Variants in FANK1 observed in about 807,000 individuals in gnomAD.
FANK1 encodes the protein fibronectin type 3 and ankyrin repeat domains protein 1.
A neutral mutation model predicts 45.3 loss-of-function variants in FANK1; 44 were observed. That is an observed-to-expected ratio of 0.97 (90% CI 0.76 to 1.25). The LOEUF (loss-of-function observed/expected upper bound fraction) is 1.25, where lower values mean the gene tolerates loss of function less well. Ranked by LOEUF, FANK1 falls within the 50% of genes most tolerant of loss-of-function variation. FANK1 has a pLI of 0.00. For missense variants in FANK1, 391 were observed against 424.4 expected (o/e 0.92, Z 0.69); for synonymous variants, 149 against 152.5 (o/e 0.98, Z 0.17).
At chr10:125,916,433 C>T (rs1272099437) in intron 1 of FANK1, among the ~76,000 whole-genome samples, 4 of 151,560 alleles carry the variant, frequency 2.6e-5, no homozygotes, top group East Asian at 1.9e-4. Context: ...CCCCTGTAAT[C>T]GATCAGGGAC....
chr10:125,988,420 C>A, intron 2 of FANK1, 131 bp from the exon 3 acceptor site: 2 of 1,275,648 alleles, frequency 1.6e-6, no homozygotes, highest in Non-Finnish European at 2.2e-6. Context: ...CGGAGTTCAG[C>A]AAAGCAGGAT....
At chr10:125,984,816 C>T (rs1235953788) in intron 2 of FANK1, among the ~76,000 whole-genome samples, 5 of 150,948 alleles carry the variant, frequency 3.3e-5, no homozygotes, top group Admixed American at 6.6e-5. Context: ...CAAGGCTATG[C>T]TTTAAATTTT....
At chr10:125,927,010 G>T (rs1426488793) in intron 1 of FANK1, among the ~76,000 whole-genome samples, 1 of 152,130 alleles carries the variant, frequency 6.6e-6, no homozygotes, top group Admixed American at 6.5e-5. Context: ...TTTCCTTCTA[G>T]TTGCTGCTCT....
Position 125,966,862 on chromosome 10 carries a change from A to T in FANK1, c.14-13299A>T, listed in dbSNP as rs145222905. ...TTTGTTTTTTCCCCCTTTATTCAGT[A>T]CTATACCAGCTTAAAATAATACCAA... On this transcript the variant is annotated intron_variant, in intron 1 of 10. Coordinates refer to ENST00000368693, the MANE Select transcript of FANK1 (RefSeq NM_145235.5). Among the ~76,000 whole-genome samples the T allele has an allele frequency of 2.0e-4, 30 of 152,256 alleles. 1 individual carries two copies. The highest frequency in any genetic ancestry group is 7.0e-4 in the African/African-American group (29 of 41,550).
rs1399520689 is a variant in FANK1 at position 125,900,573 on chromosome 10, ATATG to A, written c.13+3922_13+3925del. ...CCTGTTCTGTAAGCTCTTGCTATAT[ATATG>A]TATTTTAAAAATCCAGCAGGCAGCA... On this transcript the variant is annotated intron_variant, in intron 1 of 10. Coordinates refer to ENST00000368693, the MANE Select transcript of FANK1 (RefSeq NM_145235.5). Among the ~76,000 whole-genome samples, 49 of 152,028 alleles carry A rather than the reference ATATG, an allele frequency of 3.2e-4. 1 individual carries two copies. The highest frequency in any genetic ancestry group is 1.2e-3 in the African/African-American group (49 of 41,386).
chr10:125,928,178 CAG>C (rs1947500227), intron 1 of FANK1, among the ~76,000 whole-genome samples: 1 of 151,014 alleles, frequency 6.6e-6, no homozygotes. Context: ...ACTCTATAGA[CAG>C]AGCAGCCCGA....
intron 1 of FANK1, among the ~76,000 whole-genome samples, chr10:125,908,954 G>A (rs61873391): frequency 1.1e-3 from 129 of 122,354 alleles, no homozygotes; most frequent in South Asian, 1.5e-3. Flanking sequence ...TGCTTTAGCT[G>A]GGTGGTTCTG....
intron 1 of FANK1, among the ~76,000 whole-genome samples, chr10:125,905,687 C>T (rs1466197424): frequency 6.6e-6 from 1 of 152,188 alleles, no homozygotes; most frequent in East Asian, 1.9e-4. Context: ...GAGATAACTC[C>T]CCCCTCTTGC....
At chr10:125,996,989 T>C (rs1193825835) in intron 5 of FANK1, among the ~76,000 whole-genome samples, 2 of 152,142 alleles carry the variant, frequency 1.3e-5, no homozygotes, top group African/African-American at 4.8e-5. Context: ...TTTTCACAGA[T>C]ACACTCTCAT....
At chr10:125,997,611 G>A (rs1952440419) in intron 6 of FANK1, 126 bp downstream of exon 6, 2 of 785,130 alleles carry the variant, frequency 2.5e-6, no homozygotes, top group Non-Finnish European at 2.0e-6. Context: ...AGAGGTGAGT[G>A]GGTCGCTGAG....
intron 1 of FANK1, among the ~76,000 whole-genome samples, chr10:125,921,477 A>T (rs1185181148): frequency 1.3e-5 from 2 of 152,214 alleles, no homozygotes; most frequent in East Asian, 3.9e-4. Context: ...GTGGATTGGA[A>T]TTCACAAAGT....
At chr10:125,926,906 C>T (rs1163703590) in intron 1 of FANK1, among the ~76,000 whole-genome samples, 3 of 152,290 alleles carry the variant, frequency 2.0e-5, no homozygotes, top group African/African-American at 7.2e-5. Flanking sequence ...AAGAGGCATA[C>T]AGGTAAGGAG....
Position 125,995,275 on chromosome 10 carries a change from G to T in FANK1, c.317-142G>T. The T allele has an allele frequency of 1.1e-5, 8 of 713,492 alleles. No homozygotes were observed. In the South Asian group the frequency reaches 1.5e-4, roughly 13 times the overall value. The allele number at this position is 713,492 out of a possible 1,614,324, so 44.2% of individuals were successfully genotyped here. ...CATTTTCGGTAAAAGAAGCAGGTGAGTAGGAAATGTAAGATATACTTAACA... is the reference window on the plus strand; with the variant it reads ...CATTTTCGGTAAAAGAAGCAGGTGATTAGGAAATGTAAGATATACTTAACA... On this transcript the variant is annotated intron_variant, in intron 3 of 10. Coordinates refer to ENST00000368693, the MANE Select transcript of FANK1 (RefSeq NM_145235.5).
At chr10:125,906,993 G>A (rs1265197806) in intron 1 of FANK1, among the ~76,000 whole-genome samples, 2 of 152,214 alleles carry the variant, frequency 1.3e-5, no homozygotes, top group Non-Finnish European at 2.9e-5. Flanking sequence ...GCCTCTCTGA[G>A]CATTAGGTTT....
intron 1 of FANK1, among the ~76,000 whole-genome samples, chr10:125,945,341 G>A (rs1169567508): frequency 7.2e-5 from 11 of 152,314 alleles, no homozygotes; most frequent in African/African-American, 1.4e-4. Context: ...CTGAGGTACC[G>A]GGTTTGTCTC....
intron 1 of FANK1, among the ~76,000 whole-genome samples, chr10:125,924,473 C>T (rs185627766): frequency 2.6e-5 from 4 of 151,984 alleles, no homozygotes; most frequent in East Asian, 1.9e-4. Flanking sequence ...AGGATGGTCT[C>T]GATCTCTTCA....
At chr10:125,980,362 G>A in intron 2 of FANK1, 24 bp downstream of exon 2, 1 of 1,594,128 alleles carries the variant, frequency 6.3e-7, no homozygotes, top group African/African-American at 1.3e-5. Flanking sequence ...TGAATTGCTT[G>A]CCACTTTGCC....
chr10:125,913,356 C>G (rs11244695), intron 1 of FANK1, among the ~76,000 whole-genome samples: 1 of 152,276 alleles, frequency 6.6e-6, no homozygotes, highest in African/African-American at 2.4e-5. Context: ...CAAACTCATT[C>G]TGCATGACAC....
chr10:125,964,526 AC>A (rs1950108360), intron 1 of FANK1, among the ~76,000 whole-genome samples: 2 of 152,088 alleles, frequency 1.3e-5, no homozygotes, highest in African/African-American at 4.8e-5. Context: ...ACGTTTTACA[AC>A]TTTCTTTTGT....
Sources: gnomAD v4.1 joint callset for allele counts (sites outside exome capture counted in the v4.1 genomes callset) on GRCh38, gnomAD v4.1.1 for gene constraint, MANE v1.5 for transcripts, NCBI Gene and HGNC (gene_info 2026-07-23, HGNC 2026-07-21) for gene names.